The following WDR82 variants were observed in gnomAD, a reference collection of about 807,000 sequenced individuals.
WDR82 encodes WD repeat domain 82.
WDR82 carries 8 observed loss-of-function variants against 36.1 expected under a neutral mutation model. That is an observed-to-expected ratio of 0.22 (90% CI 0.13 to 0.40). WDR82 has a LOEUF of 0.40. WDR82 is among the 10% of genes least tolerant of loss of function. The pLI is 1.00. For synonymous variants in WDR82, 129 were observed against 137.8 expected, an observed-to-expected ratio of 0.94 and a Z score of 0.45; for missense variants, 185 against 400.5, an observed-to-expected ratio of 0.46 and a Z score of 4.59.
rs771188203 is a variant in WDR82 at position 52,261,367 on chromosome 3, G to A, written c.426+13C>T. 5.6e-6 allele frequency: 9 copies of A among 1,605,246 alleles called. No individual in the cohort carries two copies. Among genetic ancestry groups the A allele is most frequent in the Non-Finnish European group, 6.8e-6 (8 of 1,174,804 alleles). On this transcript the variant is annotated intron_variant, in intron 4 of 8. Transcript: ENST00000296490. Reference sequence around the variant, plus strand: ...GAAAATGCTCAAAAAGTATAACTGTGAGGTACCATTACCTGGCAGTTAGGA... The same window carrying A: ...GAAAATGCTCAAAAAGTATAACTGTAAGGTACCATTACCTGGCAGTTAGGA...
At chr3:52,266,559 TC>T (rs1358879500) in intron 3 of WDR82, among the ~76,000 whole-genome samples, 3 of 152,124 alleles carry the variant, frequency 2.0e-5, no homozygotes, top group Non-Finnish European at 4.4e-5. Flanking sequence ...TGCCTCAGCC[TC>T]CCGAGTAGCT....
Position 52,278,386 on chromosome 3 carries a change from C to T in WDR82, c.-25G>A. On this transcript the variant is annotated 5_prime_UTR_variant, in exon 1 of 9. Coordinates refer to ENST00000296490, the MANE Select transcript of WDR82 (RefSeq NM_025222.4). ...TGGCGGCGGCTGGGGAAGGCAGCGG[C>T]GGCGCAGGGCCGGGGCGGGGCCCGG... The T allele has an allele frequency of 1.4e-6, 2 of 1,469,672 alleles. No individual in the cohort carries two copies. Among genetic ancestry groups the T allele is most frequent in the Non-Finnish European group, 1.8e-6 (2 of 1,105,686 alleles). The allele number at this position is 1,469,672 out of a possible 1,614,324, so 91.0% of individuals were successfully genotyped here.
chr3:52,259,361 T>C, intron 6 of WDR82, 95 bp from the exon 7 acceptor site: 3 of 1,250,654 alleles, frequency 2.4e-6, no homozygotes, highest in Non-Finnish European at 3.5e-6. Flanking sequence ...TCACCTTCCT[T>C]TCCATGAAAC....
chr3:52,270,614 A>C, intron 2 of WDR82, 98 bp downstream of exon 2: 1 of 892,590 alleles, frequency 1.1e-6, no homozygotes, highest in Non-Finnish European at 1.7e-6. Context: ...GAAAATACTT[A>C]AACTAAAGTA....
At chr3:52,269,244 G>A (rs954658007) in intron 2 of WDR82, among the ~76,000 whole-genome samples, 5 of 152,210 alleles carry the variant, frequency 3.3e-5, no homozygotes, top group Non-Finnish European at 4.4e-5. Flanking sequence ...GGAGGATGAG[G>A]CAGGCAGATC....
intron 3 of WDR82, among the ~76,000 whole-genome samples, chr3:52,266,421 A>G (rs1049707279): frequency 6.6e-6 from 1 of 152,114 alleles, no homozygotes; most frequent in Non-Finnish European, 1.5e-5. Flanking sequence ...AGATATACCT[A>G]TAACTAGAAA....
At chr3:52,274,140 T>A (rs972256578) in intron 1 of WDR82, among the ~76,000 whole-genome samples, 1 of 152,204 alleles carries the variant, frequency 6.6e-6, no homozygotes, top group Non-Finnish European at 1.5e-5. Context: ...CAAATTGAAA[T>A]ATCACTCAAT....
chr3:52,270,400 G>A (rs141651190), intron 2 of WDR82, among the ~76,000 whole-genome samples: 300 of 152,294 alleles, frequency 2.0e-3, no homozygotes, highest in African/African-American at 6.8e-3. Flanking sequence ...TTATAGGCGC[G>A]AGCCCCTACG....
At chr3:52,258,368 G>A (rs1444721148) in intron 8 of WDR82, among the ~76,000 whole-genome samples, 168 bp downstream of exon 8, 2 of 152,178 alleles carry the variant, frequency 1.3e-5, no homozygotes, top group African/African-American at 4.8e-5. Flanking sequence ...AGCCCAGCCA[G>A]AGATCAAATA....
chr3:52,263,415 C>T (rs1700078381), intron 3 of WDR82, among the ~76,000 whole-genome samples: 1 of 152,146 alleles, frequency 6.6e-6, no homozygotes, highest in African/African-American at 2.4e-5. Context: ...GAAAATGGGT[C>T]AGAGCCAGAA....
chr3:52,275,554 CTG>C (rs1474363100), intron 1 of WDR82, among the ~76,000 whole-genome samples: 1 of 152,190 alleles, frequency 6.6e-6, no homozygotes, highest in African/African-American at 2.4e-5. Context: ...ATTTGGATAA[CTG>C]TGCTCTGGTT....
chr3:52,273,034 G>A (rs1387849831), intron 1 of WDR82, among the ~76,000 whole-genome samples: 1 of 152,234 alleles, frequency 6.6e-6, no homozygotes, highest in Non-Finnish European at 1.5e-5. Flanking sequence ...GGTAACCAGT[G>A]AGGCAGTCTC....
intron 3 of WDR82, among the ~76,000 whole-genome samples, chr3:52,265,643 T>A (rs1700099376): frequency 6.7e-6 from 1 of 149,798 alleles, no homozygotes; most frequent in Non-Finnish European, 1.5e-5. Flanking sequence ...TGGCGCCACC[T>A]TGGCTCAATG....
chr3:52,258,374 A>G (rs1578004322), intron 8 of WDR82, among the ~76,000 whole-genome samples, 162 bp downstream of exon 8: 1 of 152,326 alleles, frequency 6.6e-6, no homozygotes, highest in East Asian at 1.9e-4. Flanking sequence ...GCCAGAGATC[A>G]AATAATAGGA....
At chr3:52,263,858 G>A (rs1409950340) in intron 3 of WDR82, among the ~76,000 whole-genome samples, 2 of 152,214 alleles carry the variant, frequency 1.3e-5, no homozygotes, top group African/African-American at 4.8e-5. Flanking sequence ...CAGCTACAAA[G>A]ATGTGTATAA....
intron 3 of WDR82, 57 bp downstream of exon 3, chr3:52,266,895 C>A: frequency 1.4e-6 from 2 of 1,470,128 alleles, no homozygotes; most frequent in South Asian, 1.1e-5. Context: ...GCCTTCTATT[C>A]TCTGGGTAAC....
At chr3:52,264,320 G>C (rs1421404303) in intron 3 of WDR82, among the ~76,000 whole-genome samples, 8 of 152,172 alleles carry the variant, frequency 5.3e-5, no homozygotes, top group Admixed American at 5.2e-4. Flanking sequence ...GTTTATTTTA[G>C]AGTCAAAACA....
chr3:52,266,840 G>T, intron 3 of WDR82, 112 bp downstream of exon 3: 1 of 837,844 alleles, frequency 1.2e-6, no homozygotes, highest in Non-Finnish European at 2.0e-6. Context: ...AGAATGCCAA[G>T]CAGTAGTGAG....
In WDR82 at chr3:52,259,274, A is replaced by G. The variant is rs765291261; in HGVS notation, c.700-8T>C. The stretch of plus-strand genomic sequence containing the variant: ...TTTGCTGTTGGCATAACCCTAAAAC[A>G]AAACAGAGCAGTTCTTTTGTTCTTA... On this transcript the variant is annotated splice_region_variant and splice_polypyrimidine_tract_variant and intron_variant, in intron 6 of 8. Transcript: ENST00000296490. 12 of 1,613,630 alleles carry G rather than the reference A, an allele frequency of 7.4e-6. No individual in the cohort carries two copies. Among genetic ancestry groups the G allele is most frequent in the African/African-American group, 2.7e-5 (2 of 74,924 alleles).
Sources: gnomAD v4.1 joint callset for allele counts (sites outside exome capture counted in the v4.1 genomes callset) on GRCh38, gnomAD v4.1.1 for gene constraint, MANE v1.5 for transcripts, NCBI Gene and HGNC (gene_info 2026-07-23, HGNC 2026-07-21) for gene names.